BIRC6: variants seen among roughly 807,000 people sequenced by gnomAD.
The protein encoded by BIRC6 is dual E2 ubiquitin-conjugating enzyme/E3 ubiquitin-protein ligase BIRC6.
Under a neutral mutation model 503.3 loss-of-function variants are expected in BIRC6, and 98 were observed. That is an observed-to-expected ratio of 0.19 (90% CI 0.17 to 0.23). BIRC6 has a LOEUF of 0.23. Among genes scored for constraint, BIRC6 ranks in the 10% least tolerant of loss-of-function variants. BIRC6 has a pLI of 1.00. For missense variants in BIRC6, 5,360 were observed against 5,806.0 expected, an observed-to-expected ratio of 0.92 and a Z score of 2.50; for synonymous variants, 2,240 against 2,078.7, an observed-to-expected ratio of 1.08 and a Z score of -2.11.
chr2:32,446,778 C>G (rs1180594911), intron 21 of BIRC6, among the ~76,000 whole-genome samples: 3 of 47,040 alleles, frequency 6.4e-5, no homozygotes, highest in Non-Finnish European at 1.1e-4. Context: ...TTTTATTGAT[C>G]ATTCTTGGGT....
intron 8 of BIRC6, among the ~76,000 whole-genome samples, chr2:32,403,484 C>G (rs1327252190): frequency 2.6e-5 from 4 of 152,060 alleles, no homozygotes; most frequent in Non-Finnish European, 5.9e-5. Context: ...TATTTGTCTT[C>G]TGAATTAAGG....
At position 32,415,331 on chromosome 2, in the gene BIRC6, G is replaced by T; in HGVS notation, c.2040G>T (p.Leu680Phe). Reference protein sequence around the residue: ...MELDSQEQLLLQDPPVTYIQQ... With the variant: ...MELDSQEQLLFQDPPVTYIQQ... ...TGGATAGTCAGGAGCAGTTGTTATTGCAGGATCCTCCTGTGACTTACATTC... is the reference window on the plus strand; with the variant it reads ...TGGATAGTCAGGAGCAGTTGTTATTTCAGGATCCTCCTGTGACTTACATTC... The change falls in exon 10 of 74, where the codon TTG becomes TTT. Residue 680 changes from leucine (L) to phenylalanine (F), a missense_variant. Transcript: ENST00000421745. 6.2e-7 allele frequency: 1 copy of T among 1,613,978 alleles called. No individual in the cohort carries two copies. Among genetic ancestry groups the T allele is most frequent in the Non-Finnish European group, 8.5e-7 (1 of 1,179,870 alleles).
intron 1 of BIRC6, among the ~76,000 whole-genome samples, chr2:32,360,557 T>A (rs930164812): frequency 6.6e-6 from 1 of 152,214 alleles, no homozygotes; most frequent in African/African-American, 2.4e-5. Context: ...AGTAGTTTTG[T>A]TCTTTCTTGG....
At chr2:32,507,256 C>G (rs1000961327) in intron 50 of BIRC6, among the ~76,000 whole-genome samples, 2 of 152,064 alleles carry the variant, frequency 1.3e-5, no homozygotes, top group Non-Finnish European at 2.9e-5. Context: ...ATGGCAAAAC[C>G]CTGTCTCTAC....
intron 61 of BIRC6, among the ~76,000 whole-genome samples, chr2:32,538,673 G>T (rs2057426435): frequency 6.6e-6 from 1 of 152,258 alleles, no homozygotes; most frequent in African/African-American, 2.4e-5. Context: ...GCTCATGCCA[G>T]TAATCCCAGC....
Position 32,510,600 on chromosome 2 carries a change from C to G in BIRC6, c.10312C>G (p.Leu3438Val). 1 of 1,607,728 alleles carries G rather than the reference C, an allele frequency of 6.2e-7. No individual in the cohort carries two copies. Among genetic ancestry groups the G allele is most frequent in the Non-Finnish European group, 8.5e-7 (1 of 1,174,348 alleles). Residue 3438 changes from leucine to valine, a missense_variant, in exon 53 of 74, where the codon CTT (leucine) becomes GTT (valine). By Grantham distance (32) the Leu-to-Val change is conservative. Transcript: ENST00000421745. ...CTCTACGATAGATATTCTTTACCAG[C>G]TTGGAACAACTCAGGATCCTGGTAC... is the stretch of plus-strand genomic sequence containing the variant. ...SDSTIDILYQ[L>V]GTTQDPGTKD...
rs924689164 is a variant in BIRC6, at chr2:32,443,536, G to T, written c.4284G>T (p.Leu1428=). Residue 1428 remains leucine, a synonymous_variant, in exon 20 of 74, where the codon CTG becomes CTT. Transcript: ENST00000421745. ...DPCQPAFGPV[L]LKALLDNMSF... is the part of the protein sequence containing the mutation. ...GTCAACCAGCATTTGGACCTGTTCT[G>T]TTGAAGGCTTTACTTGATAATATGT... The T allele has an allele frequency of 6.2e-7, 1 of 1,609,814 alleles. No homozygotes were observed. Among genetic ancestry groups the T allele is most frequent in the African/African-American group, 1.3e-5 (1 of 74,980 alleles).
At chr2:32,482,246 A>G (rs1269176336) in intron 38 of BIRC6, among the ~76,000 whole-genome samples, 183 bp from the exon 39 acceptor site, 2 of 152,230 alleles carry the variant, frequency 1.3e-5, no homozygotes, top group Non-Finnish European at 2.9e-5. Flanking sequence ...ATTTTGGCAG[A>G]AAGTGAGGAG....
At position 32,540,912 on chromosome 2, in the gene BIRC6, A is replaced by C. The variant is rs560401130; in HGVS notation, c.12292-2329A>C. ...ATACATATCTAATATAAGACTTAAA[A>C]ATTTGTATCTGTATAATGGGTGATG... On this transcript the variant is annotated intron_variant, in intron 61 of 73. Coordinates refer to ENST00000421745, the MANE Select transcript of BIRC6 (RefSeq NM_016252.4). Among the ~76,000 whole-genome samples, 78 of 152,026 alleles carry C rather than the reference A, an allele frequency of 5.1e-4. 1 individual carries two copies. The highest frequency in any genetic ancestry group is 7.4e-4 in the Non-Finnish European group (50 of 67,882).
At chr2:32,558,262 A>G (rs2058921801) in intron 65 of BIRC6, among the ~76,000 whole-genome samples, 1 of 151,686 alleles carries the variant, frequency 6.6e-6, no homozygotes, top group Admixed American at 6.6e-5. Context: ...TTAGATACTT[A>G]AAAATTTTTA....
At chr2:32,412,625 T>C (rs1237317273) in intron 9 of BIRC6, among the ~76,000 whole-genome samples, 1 of 152,146 alleles carries the variant, frequency 6.6e-6, no homozygotes, top group East Asian at 1.9e-4. Flanking sequence ...CACATAAAGA[T>C]GATACAGTTT....
chr2:32,522,262 G>A (rs968317685), intron 57 of BIRC6: 7 of 151,748 alleles, frequency 4.6e-5, no homozygotes, highest in Admixed American at 1.3e-4. Context: ...TTATTTGCCT[G>A]GAGAATTTTC....
intron 65 of BIRC6, among the ~76,000 whole-genome samples, chr2:32,553,639 CT>C (rs1457712852): frequency 6.6e-6 from 1 of 152,034 alleles, no homozygotes; most frequent in Non-Finnish European, 1.5e-5. Flanking sequence ...ATCCGCTCAC[CT>C]CGGCCTCCCA....
At chr2:32,365,939 C>T (rs1336891640) in intron 1 of BIRC6, among the ~76,000 whole-genome samples, 2 of 151,728 alleles carry the variant, frequency 1.3e-5, no homozygotes, top group African/African-American at 2.4e-5. Flanking sequence ...GGCTGGAGTG[C>T]AGTGATGTGG....
chr2:32,390,339 T>C (rs1028543533), intron 4 of BIRC6, among the ~76,000 whole-genome samples: 1 of 151,938 alleles, frequency 6.6e-6, no homozygotes, highest in African/African-American at 2.4e-5. Context: ...CCCAGCTAAT[T>C]TTTTGTATTT....
chr2:32,542,550 T>C (rs1259166353), intron 61 of BIRC6, among the ~76,000 whole-genome samples: 2 of 152,190 alleles, frequency 1.3e-5, no homozygotes, highest in Admixed American at 1.3e-4. Context: ...AACTAATAAA[T>C]GTAGAAAGAA....
At chr2:32,524,220 A>G (rs2056047564) in intron 57 of BIRC6, among the ~76,000 whole-genome samples, 2 of 152,218 alleles carry the variant, frequency 1.3e-5, no homozygotes, top group Admixed American at 6.5e-5. Flanking sequence ...TGAAAGGAAT[A>G]TTCAGAGTAA....
At chr2:32,592,843 C>G (rs575684595) in intron 66 of BIRC6, among the ~76,000 whole-genome samples, 25 of 152,292 alleles carry the variant, frequency 1.6e-4, no homozygotes, top group Middle Eastern at 3.4e-3. Context: ...GTTCCACCCG[C>G]CTCAGCCTCC....
chr2:32,392,268 G>T, intron 5 of BIRC6, 118 bp downstream of exon 5: 1 of 698,160 alleles, frequency 1.4e-6, no homozygotes, highest in Non-Finnish European at 2.4e-6. Context: ...ATGCTTGCTT[G>T]TATGCATGGA....
Sources: gnomAD v4.1 joint callset for allele counts (sites outside exome capture counted in the v4.1 genomes callset) on GRCh38, gnomAD v4.1.1 for gene constraint, MANE v1.5 for transcripts, NCBI Gene and HGNC (gene_info 2026-07-23, HGNC 2026-07-21) for gene names.